MGAT5: variants seen among roughly 807,000 people sequenced by gnomAD.
MGAT5 encodes the protein alpha-1,6-mannosylglycoprotein 6-beta-N-acetylglucosaminyltransferase A.
A neutral mutation model predicts 94.3 loss-of-function variants in MGAT5; 30 were observed. That is an observed-to-expected ratio of 0.32 (90% CI 0.24 to 0.43). MGAT5 has a LOEUF of 0.43. Ranked by LOEUF, MGAT5 falls within the 20% of genes least tolerant of loss-of-function variation. MGAT5 has a pLI of 1.00. For synonymous variants in MGAT5, 310 were observed against 322.9 expected, an observed-to-expected ratio of 0.96 and a Z score of 0.43; for missense variants, 691 against 905.5, an observed-to-expected ratio of 0.76 and a Z score of 3.04.
At chr2:134,315,711 T>C (rs1321796365) in intron 2 of MGAT5, among the ~76,000 whole-genome samples, 1 of 152,244 alleles carries the variant, frequency 6.6e-6, no homozygotes, top group Non-Finnish European at 1.5e-5. Context: ...TAGTAAGAGC[T>C]GGATGAAATA....
intron 11 of MGAT5, among the ~76,000 whole-genome samples, chr2:134,411,176 TTCTC>T (rs1270330913): frequency 2.6e-5 from 4 of 152,194 alleles, no homozygotes; most frequent in Admixed American, 2.0e-4. Context: ...TAGTTAGAAG[TTCTC>T]TCTGACAATC....
rs1044285159 is a variant in MGAT5, at chr2:134,327,792, G to C, written c.574-8425G>C. On this transcript the variant is annotated intron_variant, in intron 4 of 15. Coordinates refer to ENST00000281923, the MANE Select transcript of MGAT5 (RefSeq NM_002410.5). ...CAGATAGACTGTTAGAATGGAATGA[G>C]CCAATTGTATTAGAAGGCACAGCTT... is the stretch of plus-strand genomic sequence containing the variant. Among the ~76,000 whole-genome samples the C allele has an allele frequency of 4.6e-5, 7 of 152,212 alleles. No individual in the cohort carries two copies. The South Asian group carries it at 1.5e-3, about 32-fold the overall frequency.
At chr2:134,189,251 G>T (rs1689198167) in intron 1 of MGAT5, among the ~76,000 whole-genome samples, 1 of 152,074 alleles carries the variant, frequency 6.6e-6, no homozygotes, top group South Asian at 2.1e-4. Context: ...TGCATGGTTG[G>T]TTTTTCTGGT....
intron 10 of MGAT5, among the ~76,000 whole-genome samples, chr2:134,365,629 T>C (rs183657193): frequency 2.0e-5 from 3 of 152,148 alleles, no homozygotes; most frequent in African/African-American, 7.2e-5. Flanking sequence ...AGAATTAGGG[T>C]GCAGTGGAGG....
At chr2:134,232,628 C>T (rs187855530) in intron 1 of MGAT5, among the ~76,000 whole-genome samples, 25 of 152,200 alleles carry the variant, frequency 1.6e-4, no homozygotes, top group African/African-American at 5.8e-4. Context: ...GTTACAATAC[C>T]AAACCAGGAA....
At chr2:134,341,324 A>G (rs1688620373) in intron 6 of MGAT5, among the ~76,000 whole-genome samples, 1 of 152,200 alleles carries the variant, frequency 6.6e-6, no homozygotes. Context: ...GATTTTACAA[A>G]TACACTGTGC....
chr2:134,147,369 A>T (rs1686967367), intron 1 of MGAT5, among the ~76,000 whole-genome samples: 1 of 152,224 alleles, frequency 6.6e-6, no homozygotes, highest in Admixed American at 6.5e-5. Flanking sequence ...CCTATTGATT[A>T]AATACTTAGA....
At chr2:134,134,699 G>A (rs186360621) in intron 1 of MGAT5, among the ~76,000 whole-genome samples, 1 of 152,118 alleles carries the variant, frequency 6.6e-6, no homozygotes, top group African/African-American at 2.4e-5. Flanking sequence ...CAGCAATTTG[G>A]GGGGGCAATT....
intron 10 of MGAT5, among the ~76,000 whole-genome samples, chr2:134,381,186 TTCCTTC>T (rs1681521285): frequency 6.6e-6 from 1 of 152,120 alleles, no homozygotes; most frequent in Non-Finnish European, 1.5e-5. Context: ...TGGTGGTGTG[TTCCTTC>T]AGTCACAGCT....
intron 1 of MGAT5, among the ~76,000 whole-genome samples, chr2:134,260,822 G>A (rs974182427): frequency 9.9e-5 from 15 of 151,638 alleles, no homozygotes; most frequent in African/African-American, 3.4e-4. Context: ...AAAATGGTAG[G>A]GAAAAAAATA....
intron 7 of MGAT5, among the ~76,000 whole-genome samples, chr2:134,342,427 G>A (rs1688684388): frequency 6.6e-6 from 1 of 152,134 alleles, no homozygotes; most frequent in Non-Finnish European, 1.5e-5. Context: ...TATATTTCCA[G>A]AAGGAATACC....
Position 134,221,534 on chromosome 2 carries a change from T to C in MGAT5, c.-142-32728T>C, listed in dbSNP as rs533961784. ...ACCTAAAAGGATGCCTGGCTCTTAGTTGATTATCTCCTGGGAAAGAAGGAA... is the reference window on the plus strand; with the variant it reads ...ACCTAAAAGGATGCCTGGCTCTTAGCTGATTATCTCCTGGGAAAGAAGGAA... On this transcript the variant is annotated intron_variant, in intron 1 of 16. Coordinates refer to the MGAT5 transcript ENST00000409645. 3.3e-5 allele frequency among the ~76,000 whole-genome samples: 5 copies of C among 152,156 alleles called. No individual in the cohort carries two copies. The South Asian group carries it at 1.0e-3, about 32-fold the overall frequency.
chr2:134,239,289 C>T (rs1432094886), intron 1 of MGAT5, among the ~76,000 whole-genome samples: 4 of 152,106 alleles, frequency 2.6e-5, no homozygotes, highest in African/African-American at 4.8e-5. Flanking sequence ...TGAGCCACCA[C>T]GCCCAGCCCT....
chr2:134,240,065 T>A (rs1407409722), intron 1 of MGAT5, among the ~76,000 whole-genome samples: 1 of 152,104 alleles, frequency 6.6e-6, no homozygotes, highest in Admixed American at 6.6e-5. Flanking sequence ...GAAAAAAAAA[T>A]TTCTTCCAAA....
intron 1 of MGAT5, among the ~76,000 whole-genome samples, chr2:134,208,005 A>G (rs1290968396): frequency 6.6e-6 from 1 of 152,208 alleles, no homozygotes; most frequent in Non-Finnish European, 1.5e-5. Flanking sequence ...AAGTTTTCAC[A>G]TTTGTCACAC....
At chr2:134,136,294 C>T (rs527522468) in intron 1 of MGAT5, among the ~76,000 whole-genome samples, 2 of 152,126 alleles carry the variant, frequency 1.3e-5, no homozygotes, top group South Asian at 2.1e-4. Flanking sequence ...GGGCCAGACG[C>T]GGTGGCTCAT....
intron 11 of MGAT5, among the ~76,000 whole-genome samples, chr2:134,404,903 T>C (rs1457180794): frequency 6.6e-6 from 1 of 152,250 alleles, no homozygotes; most frequent in African/African-American, 2.4e-5. Flanking sequence ...TCAGAATGTC[T>C]GGGCCCTTTA....
intron 1 of MGAT5, among the ~76,000 whole-genome samples, chr2:134,141,782 C>G (rs971946134): frequency 1.3e-5 from 2 of 152,174 alleles, no homozygotes; most frequent in Non-Finnish European, 2.9e-5. Flanking sequence ...GCATTGCTGG[C>G]AGCAGTCAGC....
At chr2:134,358,520 G>A (rs1266118938) in intron 9 of MGAT5, among the ~76,000 whole-genome samples, 1 of 152,206 alleles carries the variant, frequency 6.6e-6, no homozygotes, top group Non-Finnish European at 1.5e-5. Context: ...GAAAGGATGA[G>A]TTGATGGATT....
Sources: gnomAD v4.1 joint callset for allele counts (sites outside exome capture counted in the v4.1 genomes callset) on GRCh38, gnomAD v4.1.1 for gene constraint, MANE v1.5 for transcripts, NCBI Gene and HGNC (gene_info 2026-07-23, HGNC 2026-07-21) for gene names.